Variants in CD2AP observed in about 807,000 individuals in gnomAD.
CD2AP encodes CD2-associated protein.
Under a neutral mutation model 85.1 loss-of-function variants are expected in CD2AP, and 46 were observed. The observed-to-expected ratio is 0.54, with a 90% CI of 0.43 to 0.69. CD2AP has a LOEUF of 0.69. Ranked by LOEUF, CD2AP falls within the 30% of genes least tolerant of loss-of-function variation. The pLI, the probability that CD2AP is intolerant of heterozygous loss-of-function variation, is 0.00. For missense variants in CD2AP, 769 were observed against 729.5 expected (o/e 1.05, Z -0.62); for synonymous variants, 255 against 252.9 (o/e 1.01, Z -0.08).
intron 13 of CD2AP, among the ~76,000 whole-genome samples, 189 bp from the exon 14 acceptor site, chr6:47,605,976 A>G (rs529032199): frequency 6.7e-6 from 1 of 148,594 alleles, no homozygotes; most frequent in South Asian, 2.1e-4. Flanking sequence ...GGTAAAGAGG[A>G]TTTTTTTTTT....
chr6:47,554,634 G>A lies in CD2AP; in HGVS notation c.421-12G>A, dbSNP rs1054450891. 1.2e-6 allele frequency: 2 copies of A among 1,613,318 alleles called. No homozygotes were observed. The highest frequency in any genetic ancestry group is 1.7e-5 in the Admixed American group (1 of 59,966). On this transcript the variant is annotated splice_polypyrimidine_tract_variant and intron_variant, in intron 4 of 17. Coordinates refer to ENST00000359314, the MANE Select transcript of CD2AP (RefSeq NM_012120.3). The stretch of plus-strand genomic sequence containing the variant: ...GAAGTTGTTTTTGCTTTTGAATTGT[G>A]AACTTTTTCAGGTAGAAGAAGGCTG...
chr6:47,528,717 C>T (rs1266263080), intron 2 of CD2AP, among the ~76,000 whole-genome samples: 1 of 152,102 alleles, frequency 6.6e-6, no homozygotes, highest in Non-Finnish European at 1.5e-5. Flanking sequence ...CAAAAAGGGT[C>T]ACAAGTTTAG....
intron 15 of CD2AP, 89 bp from the exon 16 acceptor site, chr6:47,609,034 A>T: frequency 9.9e-7 from 1 of 1,011,246 alleles, no homozygotes; most frequent in Non-Finnish European, 1.5e-6. Flanking sequence ...ATCTTGAAGT[A>T]CTTAATTGTT....
chr6:47,599,975 GT>G (rs146768764), intron 13 of CD2AP, among the ~76,000 whole-genome samples: 46,538 of 146,572 alleles, frequency 0.32, 8,257 homozygotes, highest in Middle Eastern at 0.53. Context: ...TGTACTTCCT[GT>G]TTTTTTTTTA....
intron 2 of CD2AP, among the ~76,000 whole-genome samples, chr6:47,514,225 TATG>T (rs1273733109): frequency 1.3e-5 from 2 of 152,210 alleles, no homozygotes; most frequent in African/African-American, 4.8e-5. Context: ...TTGTGTTTAG[TATG>T]ATTAAATGTT....
chr6:47,528,163 G>A (rs1226323168), intron 2 of CD2AP, among the ~76,000 whole-genome samples: 1 of 152,046 alleles, frequency 6.6e-6, no homozygotes, highest in Non-Finnish European at 1.5e-5. Flanking sequence ...GGCTGTTTGA[G>A]CTTCTAATTT....
At chr6:47,485,188 G>T (rs1382742542) in intron 1 of CD2AP, among the ~76,000 whole-genome samples, 1 of 152,086 alleles carries the variant, frequency 6.6e-6, no homozygotes. Context: ...CTTATTAAAA[G>T]AAGTTAACTG....
chr6:47,569,866 G>C (rs779998902), intron 5 of CD2AP, among the ~76,000 whole-genome samples: 2 of 152,116 alleles, frequency 1.3e-5, no homozygotes, highest in Non-Finnish European at 2.9e-5. Flanking sequence ...ACTCCTCCTG[G>C]TGAGCAGCTT....
At chr6:47,571,274 A>G (rs1038776429) in intron 5 of CD2AP, among the ~76,000 whole-genome samples, 5 of 152,218 alleles carry the variant, frequency 3.3e-5, no homozygotes, top group Non-Finnish European at 7.3e-5. Flanking sequence ...CAGGAGCAAG[A>G]TGGTATGGAA....
chr6:47,618,989 A>G (rs939729415), intron 17 of CD2AP, among the ~76,000 whole-genome samples: 1 of 152,226 alleles, frequency 6.6e-6, no homozygotes, highest in African/African-American at 2.4e-5. Context: ...TAATGTTAAC[A>G]TTATACAGTA....
intron 1 of CD2AP, chr6:47,489,282 C>T (rs181622208): frequency 1.3e-5 from 2 of 152,006 alleles, no homozygotes; most frequent in Non-Finnish European, 1.5e-5. Flanking sequence ...ATTCTCTTGC[C>T]TCAGCCTCCT....
At chr6:47,586,673 A>T (rs1322464031) in intron 11 of CD2AP, among the ~76,000 whole-genome samples, 1 of 152,160 alleles carries the variant, frequency 6.6e-6, no homozygotes, top group African/African-American at 2.4e-5. Context: ...ATTACAGAAA[A>T]TGTTAAAAAA....
Position 47,554,785 on chromosome 6 carries a change from T to G in CD2AP, c.541+19T>G. The G allele has an allele frequency of 1.3e-6, 2 of 1,582,880 alleles. No individual in the cohort carries two copies. The highest frequency in any genetic ancestry group is 1.7e-6 in the Non-Finnish European group (2 of 1,162,184). ...GATTCAGGTAGACTATTTTTTAAAA[T>G]TTTTAATTGATTTAAATAAACTTTA... is the stretch of plus-strand genomic sequence containing the variant. On this transcript the variant is annotated intron_variant, in intron 5 of 17. Transcript: ENST00000359314.
intron 5 of CD2AP, among the ~76,000 whole-genome samples, chr6:47,566,635 A>G (rs553387492): frequency 6.6e-6 from 1 of 152,002 alleles, no homozygotes; most frequent in East Asian, 1.9e-4. Flanking sequence ...ACCCCTCAAC[A>G]GGTCCTGGTG....
At chr6:47,534,550 T>A (rs1424499834) in intron 3 of CD2AP, among the ~76,000 whole-genome samples, 1 of 152,010 alleles carries the variant, frequency 6.6e-6, no homozygotes, top group Non-Finnish European at 1.5e-5. Context: ...CTACTAAATA[T>A]ACAAATTAGC....
At chr6:47,618,165 T>G (rs1203351545) in intron 17 of CD2AP, among the ~76,000 whole-genome samples, 1 of 151,882 alleles carries the variant, frequency 6.6e-6, no homozygotes, top group East Asian at 1.9e-4. Flanking sequence ...CTAAAAAATA[T>G]AAAAATTAGC....
At chr6:47,517,052 T>C (rs567133740) in intron 2 of CD2AP, among the ~76,000 whole-genome samples, 44 of 152,204 alleles carry the variant, frequency 2.9e-4, no homozygotes, top group African/African-American at 1.0e-3. Context: ...CATGAATGAT[T>C]TAGCGCCATG....
chr6:47,614,632 GAC>G (rs1769532467), intron 17 of CD2AP, among the ~76,000 whole-genome samples: 1 of 152,146 alleles, frequency 6.6e-6, no homozygotes, highest in African/African-American at 2.4e-5. Context: ...GTCAAAATGT[GAC>G]ACAGTGATAC....
chr6:47,616,082 C>CTTTTTTTTTTTTTTTTTTTT (rs562350159), intron 17 of CD2AP, among the ~76,000 whole-genome samples: 3 of 63,810 alleles, frequency 4.7e-5, no homozygotes, highest in African/African-American at 7.2e-5. Flanking sequence ...TGCGCCTGGC[C>CTTTTTTTTTTTTTTTTTTTT]TTTTTTTTTT....
Sources: gnomAD v4.1 joint callset for allele counts (sites outside exome capture counted in the v4.1 genomes callset) on GRCh38, gnomAD v4.1.1 for gene constraint, MANE v1.5 for transcripts, NCBI Gene and HGNC (gene_info 2026-07-23, HGNC 2026-07-21) for gene names.